Variants in TMEM268 observed in about 807,000 individuals in gnomAD.
TMEM268 encodes transmembrane protein C9orf91.
In TMEM268, 24 loss-of-function variants were observed where a neutral mutation model predicts 39.1. The observed-to-expected ratio is 0.61, with a 90% confidence interval of 0.44 to 0.86. The LOEUF is 0.86. TMEM268 is among the 40% of genes least tolerant of loss of function. The pLI, the probability that TMEM268 is intolerant of heterozygous loss-of-function variation, is 0.00. For synonymous variants in TMEM268, 176 were observed against 173.5 expected, an observed-to-expected ratio of 1.01 and a Z score of -0.12; for missense variants, 409 against 428.6, an observed-to-expected ratio of 0.95 and a Z score of 0.40.
At chr9:114,615,925 C>T (rs1845685804) in intron 1 of TMEM268, among the ~76,000 whole-genome samples, 1 of 151,924 alleles carries the variant, frequency 6.6e-6, no homozygotes, top group Non-Finnish European at 1.5e-5. Context: ...CTCCTGACCT[C>T]AGGTGATTCG....
At chr9:114,634,579 A>G (rs1846548430) in intron 6 of TMEM268, among the ~76,000 whole-genome samples, 2 of 152,156 alleles carry the variant, frequency 1.3e-5, no homozygotes, top group African/African-American at 4.8e-5. Context: ...TCCTCCATCC[A>G]TGCCTGATCT....
chr9:114,625,598 C>T (rs1393975145), intron 3 of TMEM268, among the ~76,000 whole-genome samples: 2 of 151,632 alleles, frequency 1.3e-5, no homozygotes, highest in African/African-American at 2.4e-5. Context: ...GCATGCACCA[C>T]GGCTGGCTAA....
intron 3 of TMEM268, among the ~76,000 whole-genome samples, chr9:114,625,243 A>G (rs746658880): frequency 6.6e-6 from 1 of 152,328 alleles, no homozygotes; most frequent in African/African-American, 2.4e-5. Flanking sequence ...TGTCTCTAGT[A>G]TATAGTAAAT....
At chr9:114,631,994 G>T (rs1293847841) in intron 5 of TMEM268, among the ~76,000 whole-genome samples, 2 of 151,812 alleles carry the variant, frequency 1.3e-5, no homozygotes, top group Non-Finnish European at 2.9e-5. Flanking sequence ...CCAGCTGCTT[G>T]GGAGGCTGAG....
chr9:114,630,274 A>C (rs1433249693), intron 5 of TMEM268, among the ~76,000 whole-genome samples: 10 of 145,356 alleles, frequency 6.9e-5, no homozygotes, highest in Non-Finnish European at 1.2e-4. Context: ...CCAACAATAT[A>C]TATCTATCCA....
At chr9:114,631,581 A>C (rs1846400679) in intron 5 of TMEM268, among the ~76,000 whole-genome samples, 1 of 152,214 alleles carries the variant, frequency 6.6e-6, no homozygotes, top group African/African-American at 2.4e-5. Flanking sequence ...ATGGAGGCAC[A>C]GAGATGTTTA....
chr9:114,628,190 C>T lies in TMEM268; in HGVS notation c.414C>T (p.Thr138=). The change falls in exon 5 of 9, where the codon ACC becomes ACT. Residue 138 remains threonine (T), a synonymous_variant. Transcript: ENST00000288502. ...ACTGGGCTGGCATGCTGCTCGTGAC[C>T]CTGGCCGCGGTGAGCCTGACCTTGA... ...GNHWAGMLLV[T]LAAVSLTLTL... 2 of 1,614,168 alleles carry T rather than the reference C, an allele frequency of 1.2e-6. No homozygotes were observed. Among genetic ancestry groups the T allele is most frequent in the Non-Finnish European group, 1.7e-6 (2 of 1,180,042 alleles).
At chr9:114,618,323 C>T (rs547052243) in intron 2 of TMEM268, among the ~76,000 whole-genome samples, 1 of 152,140 alleles carries the variant, frequency 6.6e-6, no homozygotes, top group Non-Finnish European at 1.5e-5. Flanking sequence ...TCCCTTCTGC[C>T]TGTTGTGCTT....
At chr9:114,643,008 C>G in intron 8 of TMEM268, 126 bp from the exon 9 acceptor site, 1 of 960,876 alleles carries the variant, frequency 1.0e-6, no homozygotes, top group South Asian at 1.6e-5. Flanking sequence ...TGGCCTGGTT[C>G]TTCCTAGAGA....
At chr9:114,635,903 C>T (rs1437487253) in intron 6 of TMEM268, among the ~76,000 whole-genome samples, 1 of 152,208 alleles carries the variant, frequency 6.6e-6, no homozygotes, top group Non-Finnish European at 1.5e-5. Flanking sequence ...TTGCTGTCAT[C>T]TACTTCTGAA....
At position 114,638,699 on chromosome 9, in the gene TMEM268, T is replaced by C; in HGVS notation, c.822T>C (p.His274=). ...GGCCACTCATGCAGACTGAGCTTCA[T>C]CAGCTTGTTCCTGAGGCTGAGCCGG... ...NERPLMQTEL[H]QLVPEAEPEE... is the part of the protein sequence containing the mutation. The change falls in exon 8 of 9, where the codon CAT becomes CAC. Residue 274 remains histidine (H), a synonymous_variant. Coordinates refer to ENST00000288502, the MANE Select transcript of TMEM268 (RefSeq NM_153045.4). The C allele has an allele frequency of 6.3e-7, 1 of 1,597,216 alleles. No homozygotes were observed. The highest frequency in any genetic ancestry group is 8.5e-7 in the Non-Finnish European group (1 of 1,172,356).
intron 6 of TMEM268, among the ~76,000 whole-genome samples, chr9:114,635,957 T>C (rs575369859): frequency 1.3e-5 from 2 of 152,290 alleles, no homozygotes; most frequent in East Asian, 1.9e-4. Context: ...AAGGAACCAT[T>C]TGAGAAATCC....
upstream of TMEM268, among the ~76,000 whole-genome samples, chr9:114,607,908 A>G (rs1421338489): frequency 6.6e-6 from 1 of 151,852 alleles, no homozygotes; most frequent in Non-Finnish European, 1.5e-5. Flanking sequence ...AGAGGGTTAT[A>G]GGAGGAAATG....
chr9:114,628,099 A>G lies in TMEM268; in HGVS notation c.325-2A>G. On this transcript the variant is annotated splice_acceptor_variant, in intron 4 of 8. Transcript: ENST00000288502. LOFTEE classifies it high-confidence loss of function. ...CCATGCTCTCTGTCTGGCATCTTGC[A>G]GGTTTTCTATGTGGTGGTGTGGGCC... is the stretch of plus-strand genomic sequence containing the variant. 6.2e-7 allele frequency: 1 copy of G among 1,612,824 alleles called. No individual in the cohort carries two copies.
chr9:114,637,442 G>T (rs1450469410), intron 7 of TMEM268, among the ~76,000 whole-genome samples: 1 of 151,824 alleles, frequency 6.6e-6, no homozygotes, highest in Non-Finnish European at 1.5e-5. Context: ...ACAGGTGCCT[G>T]CCATCACACC....
rs560037416 is a variant in TMEM268, at chr9:114,619,562, G to A, written c.106+2261G>A. Among the ~76,000 whole-genome samples the A allele has an allele frequency of 3.2e-4, 48 of 152,316 alleles. No individual in the cohort carries two copies. The Middle Eastern group carries it at 0.01, about 32-fold the overall frequency. ...TGGGAATGGTTCTGAGTCTCCATGC[G>A]TGGAGTCCAAATCAACGTGGAGTTT... On this transcript the variant is annotated intron_variant, in intron 2 of 8. Coordinates refer to ENST00000288502, the MANE Select transcript of TMEM268 (RefSeq NM_153045.4).
chr9:114,645,445 C>G lies in TMEM268; in HGVS notation c.*2132C>G, dbSNP rs1158669642. ...AGAGATGAGTCTGACCATTCACTTT[C>G]TGTGTGCCAGAGAAGAGAGATCATG... On this transcript the variant is annotated 3_prime_UTR_variant, in exon 9 of 9. Transcript: ENST00000288502. 6.6e-6 allele frequency: 1 copy of G among 152,324 alleles called. No individual in the cohort carries two copies. Among genetic ancestry groups the G allele is most frequent in the Non-Finnish European group, 1.5e-5 (1 of 68,030 alleles). The allele number at this position is 152,324 out of a possible 1,614,324, so 9.4% of individuals were successfully genotyped here. A position where few individuals can be genotyped will look rare whatever the true frequency, so the allele number is the denominator to read the frequency against.
upstream of TMEM268, among the ~76,000 whole-genome samples, chr9:114,607,421 C>T (rs1336014837): frequency 1.3e-5 from 2 of 151,992 alleles, no homozygotes; most frequent in South Asian, 2.1e-4. Flanking sequence ...TTTGGGAGGC[C>T]GAGGCAGGTG....
intron 8 of TMEM268, 38 bp downstream of exon 8, chr9:114,638,764 C>A: frequency 6.8e-7 from 1 of 1,473,914 alleles, no homozygotes; most frequent in Non-Finnish European, 9.0e-7. Flanking sequence ...CATCTTCCCT[C>A]GGGGGAATTT....
Sources: allele counts gnomAD v4.1 joint callset (sites outside exome capture counted in the v4.1 genomes callset), GRCh38; gene constraint gnomAD v4.1.1; transcripts MANE v1.5; gene names NCBI Gene and HGNC (gene_info 2026-07-23, HGNC 2026-07-21).